Variants in SH2D4A observed in about 807,000 individuals in gnomAD.
SH2D4A encodes the protein SH2 domain containing 4A, also known as SH2 domain-containing protein 4A.
In SH2D4A, 70 loss-of-function variants were observed where a neutral mutation model predicts 64.7. The observed-to-expected ratio is 1.08, with a 90% CI of 0.89 to 1.32. The LOEUF is 1.32. Ranked by LOEUF, SH2D4A falls within the 40% of genes most tolerant of loss-of-function variation. The probability of loss-of-function intolerance (pLI) is 0.00; values close to 1 mark genes in which losing one functional copy is unlikely to be tolerated. For synonymous variants in SH2D4A, 268 were observed against 200.7 expected, an observed-to-expected ratio of 1.34 and a Z score of -2.83; for missense variants, 706 against 540.1, an observed-to-expected ratio of 1.31 and a Z score of -3.04.
chr8:19,393,407 G>C lies in SH2D4A; in HGVS notation c.1138G>C (p.Gly380Arg). 4 of 1,614,140 alleles carry C rather than the reference G, an allele frequency of 2.5e-6. No individual in the cohort carries two copies. Among genetic ancestry groups the C allele is most frequent in the Non-Finnish European group, 3.4e-6 (4 of 1,179,976 alleles). ...CATCCGAGTCAGTGAAAGGATCAAA[G>C]GCTATGCCCTGTCCTATCTGTCGGA... ...FLIRVSERIK[G>R]YALSYLSEDG... is the part of the protein sequence containing the mutation. The change falls in exon 9 of 10, where the codon GGC becomes CGC. Residue 380 changes from glycine to arginine, a missense_variant. Gly to Arg is a moderately radical substitution (Grantham distance 125). Coordinates refer to ENST00000265807, the MANE Select transcript of SH2D4A (RefSeq NM_022071.4).
intron 4 of SH2D4A, among the ~76,000 whole-genome samples, chr8:19,335,236 C>T (rs914268666): frequency 1.3e-5 from 2 of 151,702 alleles, no homozygotes; most frequent in East Asian, 1.9e-4. Flanking sequence ...TGCAGTGAGC[C>T]GAGATTGCGA....
At chr8:19,313,963 C>T in intron 1 of SH2D4A, 140 bp downstream of exon 1, 1 of 1,262,816 alleles carries the variant, frequency 7.9e-7, no homozygotes, top group Non-Finnish European at 9.9e-7. Context: ...TCACCCCCGC[C>T]TCCACCCCTT....
intron 4 of SH2D4A, among the ~76,000 whole-genome samples, chr8:19,341,821 G>A (rs1194232269): frequency 2.2e-5 from 3 of 135,362 alleles, no homozygotes; most frequent in Admixed American, 8.4e-5. Context: ...TAGCCCGGGT[G>A]ACAGAGCAAA....
At chr8:19,372,630 G>A (rs189295640) in intron 7 of SH2D4A, among the ~76,000 whole-genome samples, 4 of 152,290 alleles carry the variant, frequency 2.6e-5, no homozygotes, top group Admixed American at 2.6e-4. Context: ...GTGTTGTTGT[G>A]TTTAAATTGA....
intron 7 of SH2D4A, among the ~76,000 whole-genome samples, chr8:19,367,490 A>G (rs1040564509): frequency 1.3e-5 from 2 of 152,122 alleles, no homozygotes; most frequent in Admixed American, 1.3e-4. Flanking sequence ...TTCCCTGATT[A>G]GTGGTATTGG....
chr8:19,354,210 AGAC>A (rs1367097437), intron 4 of SH2D4A, among the ~76,000 whole-genome samples: 1 of 152,152 alleles, frequency 6.6e-6, no homozygotes, highest in East Asian at 1.9e-4. Flanking sequence ...CATGTGGGCC[AGAC>A]GGGTCTCGAA....
intron 4 of SH2D4A, among the ~76,000 whole-genome samples, chr8:19,344,289 G>A (rs1015582391): frequency 1.3e-5 from 2 of 152,130 alleles, no homozygotes; most frequent in African/African-American, 2.4e-5. Context: ...AGAAGAATCC[G>A]CTTACAGGTA....
intron 4 of SH2D4A, among the ~76,000 whole-genome samples, chr8:19,355,181 C>T (rs1167218500): frequency 1.3e-5 from 2 of 152,118 alleles, no homozygotes; most frequent in Non-Finnish European, 2.9e-5. Flanking sequence ...GGTTACCTGC[C>T]TCCTAATTTT....
At chr8:19,348,981 T>C (rs1585167784) in intron 4 of SH2D4A, among the ~76,000 whole-genome samples, 2 of 152,216 alleles carry the variant, frequency 1.3e-5, no homozygotes, top group Non-Finnish European at 2.9e-5. Context: ...AGGACTACCA[T>C]GGTAAATAGA....
intron 8 of SH2D4A, among the ~76,000 whole-genome samples, chr8:19,380,313 T>G (rs1385575789): frequency 6.6e-6 from 1 of 152,190 alleles, no homozygotes; most frequent in Non-Finnish European, 1.5e-5. Flanking sequence ...TTCGCCTGTT[T>G]TATGAGTTGC....
chr8:19,364,066 T>G lies in SH2D4A; in HGVS notation c.707-6T>G. ...AGGGTTTTCTCCGACCCCGTTGTTT[T>G]TCCAGTGCGAAAATCCAAAGCAGCT... On this transcript the variant is annotated splice_polypyrimidine_tract_variant and splice_region_variant and intron_variant, in intron 6 of 9. Transcript: ENST00000265807. The G allele has an allele frequency of 6.2e-7, 1 of 1,613,850 alleles. No homozygotes were observed. Among genetic ancestry groups the G allele is most frequent in the Non-Finnish European group, 8.5e-7 (1 of 1,179,892 alleles).
intron 2 of SH2D4A, among the ~76,000 whole-genome samples, chr8:19,327,996 C>T (rs1331890952): frequency 2.0e-5 from 3 of 152,202 alleles, no homozygotes; most frequent in East Asian, 1.9e-4. Flanking sequence ...CCTTTCCTCT[C>T]TCAGCAACAT....
At chr8:19,356,238 A>T (rs1006188368) in intron 4 of SH2D4A, among the ~76,000 whole-genome samples, 1 of 152,250 alleles carries the variant, frequency 6.6e-6, no homozygotes, top group Non-Finnish European at 1.5e-5. Context: ...TGGGGTAGCC[A>T]CATGCCAGCC....
At chr8:19,330,337 G>A (rs781523952) in intron 2 of SH2D4A, among the ~76,000 whole-genome samples, 2 of 152,152 alleles carry the variant, frequency 1.3e-5, no homozygotes, top group Non-Finnish European at 2.9e-5. Flanking sequence ...GCTCTTAGAG[G>A]TGAAAAGTCA....
At chr8:19,377,393 C>G (rs2053213853) in intron 8 of SH2D4A, among the ~76,000 whole-genome samples, 1 of 152,128 alleles carries the variant, frequency 6.6e-6, no homozygotes, top group Non-Finnish European at 1.5e-5. Flanking sequence ...AAAAGAAAAT[C>G]TGCCATATAG....
intron 5 of SH2D4A, among the ~76,000 whole-genome samples, chr8:19,357,957 C>T (rs1001170772): frequency 2.0e-5 from 3 of 151,900 alleles, no homozygotes; most frequent in African/African-American, 7.2e-5. Flanking sequence ...GGAGGTCAGG[C>T]CAGGGACCTG....
chr8:19,328,955 C>G lies in SH2D4A; in HGVS notation c.182-4000C>G, dbSNP rs1413956156. On this transcript the variant is annotated intron_variant, in intron 2 of 9. Transcript: ENST00000265807. ...GCAGTACAGGTCCTAAATTTCAGTC[C>G]CTTAGCCAGGTGTGTGGGACCCTGT... is the stretch of plus-strand genomic sequence containing the variant. Among the ~76,000 whole-genome samples the G allele has an allele frequency of 2.6e-5, 4 of 152,226 alleles. No homozygotes were observed. In the South Asian group the frequency reaches 8.3e-4, roughly 32 times the overall value.
chr8:19,350,265 G>C (rs569204117), intron 4 of SH2D4A, among the ~76,000 whole-genome samples: 1 of 152,260 alleles, frequency 6.6e-6, no homozygotes, highest in South Asian at 2.1e-4. Context: ...GCATGTGAAT[G>C]CTTTGCCCAA....
chr8:19,334,619 T>C, intron 3 of SH2D4A, 67 bp from the exon 4 acceptor site: 3 of 1,500,862 alleles, frequency 2.0e-6, no homozygotes, highest in Non-Finnish European at 2.7e-6. Flanking sequence ...AATGTCGACA[T>C]ATGCTTTGGA....
Sources: allele counts gnomAD v4.1 joint callset (sites outside exome capture counted in the v4.1 genomes callset), GRCh38; gene constraint gnomAD v4.1.1; transcripts MANE v1.5; gene names NCBI Gene and HGNC (gene_info 2026-07-23, HGNC 2026-07-21).